Variants in KAT2B observed in about 807,000 individuals in gnomAD.
The protein encoded by KAT2B is histone acetyltransferase KAT2B.
A neutral mutation model predicts 105.9 loss-of-function variants in KAT2B; 36 were observed. That is an observed-to-expected ratio of 0.34 (90% CI 0.26 to 0.45). The LOEUF is 0.45. KAT2B is among the 20% of genes least tolerant of loss of function. KAT2B has a pLI of 1.00. For missense variants in KAT2B, 820 were observed against 1,021.6 expected, an observed-to-expected ratio of 0.80 and a Z score of 2.69; for synonymous variants, 397 against 377.9, an observed-to-expected ratio of 1.05 and a Z score of -0.59.
intron 7 of KAT2B, among the ~76,000 whole-genome samples, chr3:20,117,690 T>A (rs960870576): frequency 1.3e-5 from 2 of 152,212 alleles, no homozygotes; most frequent in Non-Finnish European, 2.9e-5. Context: ...TTGACTGAAC[T>A]GTGGCTGTGT....
At chr3:20,106,389 A>G (rs1699003232) in intron 5 of KAT2B, among the ~76,000 whole-genome samples, 2 of 152,038 alleles carry the variant, frequency 1.3e-5, no homozygotes, top group Non-Finnish European at 2.9e-5. Flanking sequence ...TTTCTGTCTC[A>G]CTGTGTGCAA....
intron 8 of KAT2B, 84 bp from the exon 9 acceptor site, chr3:20,122,584 T>C (rs1376362079): frequency 1.8e-6 from 2 of 1,088,358 alleles, no homozygotes; most frequent in African/African-American, 1.5e-5. Context: ...TGCCCATCAA[T>C]GCTGTTAGAA....
At chr3:20,151,439 T>G (rs1699867928) in intron 17 of KAT2B, among the ~76,000 whole-genome samples, 1 of 149,730 alleles carries the variant, frequency 6.7e-6, no homozygotes, top group Admixed American at 6.7e-5. Flanking sequence ...TAGTCAGAAG[T>G]GGGGTTTTTT....
intron 7 of KAT2B, among the ~76,000 whole-genome samples, chr3:20,118,746 A>T (rs1343007491): frequency 1.2e-5 from 1 of 85,374 alleles, no homozygotes; most frequent in Non-Finnish European, 2.6e-5. Context: ...AAAAAAAAAA[A>T]AGAGAGAGAG....
intron 1 of KAT2B, among the ~76,000 whole-genome samples, chr3:20,068,573 T>C (rs1166041338): frequency 6.6e-6 from 1 of 151,948 alleles, no homozygotes; most frequent in Non-Finnish European, 1.5e-5. Context: ...CATTCTCCAG[T>C]ATATTCTATA....
At chr3:20,054,872 G>A (rs1310231384) in intron 1 of KAT2B, among the ~76,000 whole-genome samples, 1 of 152,240 alleles carries the variant, frequency 6.6e-6, no homozygotes, top group Admixed American at 6.5e-5. Flanking sequence ...ACACATCTGT[G>A]AGCACCGGTT....
At chr3:20,049,327 C>T (rs1255030343) in intron 1 of KAT2B, among the ~76,000 whole-genome samples, 1 of 152,142 alleles carries the variant, frequency 6.6e-6, no homozygotes, top group African/African-American at 2.4e-5. Flanking sequence ...AAAAACGTTC[C>T]ATTGGTATTA....
chr3:20,132,283 G>C (rs761350216), intron 11 of KAT2B, among the ~76,000 whole-genome samples: 2 of 152,206 alleles, frequency 1.3e-5, no homozygotes, highest in African/African-American at 4.8e-5. Context: ...TGAGGCAGGA[G>C]AATCACTTGA....
chr3:20,097,503 A>G (rs1160764276), intron 3 of KAT2B, among the ~76,000 whole-genome samples: 1 of 150,656 alleles, frequency 6.6e-6, no homozygotes, highest in Non-Finnish European at 1.5e-5. Context: ...GGCAATTCCT[A>G]AAAACAAAAC....
chr3:20,086,634 G>T (rs889635328), intron 2 of KAT2B, among the ~76,000 whole-genome samples: 18 of 152,168 alleles, frequency 1.2e-4, no homozygotes, highest in African/African-American at 4.1e-4. Context: ...TGCTGTATTG[G>T]GGTGCACACC....
chr3:20,060,140 G>A (rs1698075076), intron 1 of KAT2B, among the ~76,000 whole-genome samples: 1 of 152,186 alleles, frequency 6.6e-6, no homozygotes, highest in African/African-American at 2.4e-5. Context: ...TAGTTGATGG[G>A]CATTTAGATT....
At chr3:20,090,159 ACTT>A (rs1284713142) in intron 2 of KAT2B, among the ~76,000 whole-genome samples, 13 of 152,200 alleles carry the variant, frequency 8.5e-5, no homozygotes, top group Admixed American at 6.5e-5. Context: ...AGACAATTTA[ACTT>A]CTTCTTTTCT....
chr3:20,096,969 GAGAA>G (rs1348982203), intron 3 of KAT2B, among the ~76,000 whole-genome samples: 6 of 148,446 alleles, frequency 4.0e-5, no homozygotes, highest in African/African-American at 1.2e-4. Context: ...GAGAGAGAGA[GAGAA>G]AGAGAGTGGG....
intron 2 of KAT2B, among the ~76,000 whole-genome samples, chr3:20,079,793 A>G (rs1448776844): frequency 6.6e-6 from 1 of 152,180 alleles, no homozygotes; most frequent in African/African-American, 2.4e-5. Context: ...CAGCCTCCTG[A>G]ATTGAGCCAG....
chr3:20,043,326 T>G (rs925950262), intron 1 of KAT2B, among the ~76,000 whole-genome samples: 2 of 152,224 alleles, frequency 1.3e-5, no homozygotes, highest in Admixed American at 6.5e-5. Flanking sequence ...CAGGAGTTAC[T>G]TATTGTGTGT....
chr3:20,070,449 C>T (rs917652250), intron 1 of KAT2B, among the ~76,000 whole-genome samples: 12 of 151,062 alleles, frequency 7.9e-5, no homozygotes, highest in African/African-American at 1.7e-4. Flanking sequence ...GGACTACAGG[C>T]GCCTGCCACC....
intron 8 of KAT2B, among the ~76,000 whole-genome samples, chr3:20,119,953 T>C (rs1481884047): frequency 6.6e-6 from 1 of 152,186 alleles, no homozygotes. Context: ...TGCCTGAGAG[T>C]TGGCTGATTT....
chr3:20,046,872 T>C (rs912946242), intron 1 of KAT2B, among the ~76,000 whole-genome samples: 3 of 152,084 alleles, frequency 2.0e-5, no homozygotes, highest in Admixed American at 6.5e-5. Flanking sequence ...ATCTTTGCAG[T>C]TGGGAGGAGG....
chr3:20,074,744 T>C (rs1193524391), intron 2 of KAT2B, among the ~76,000 whole-genome samples: 1 of 152,186 alleles, frequency 6.6e-6, no homozygotes, highest in Non-Finnish European at 1.5e-5. Context: ...TTCTGTTCAG[T>C]CTGCTGCCAC....
Sources: allele counts gnomAD v4.1 joint callset (sites outside exome capture counted in the v4.1 genomes callset), GRCh38; gene constraint gnomAD v4.1.1; transcripts MANE v1.5; gene names NCBI Gene and HGNC (gene_info 2026-07-23, HGNC 2026-07-21).